The following GEMIN4 variants were observed in gnomAD, a reference collection of about 807,000 sequenced individuals.
GEMIN4 encodes the protein gem-associated protein 4.
GEMIN4 carries 59 observed loss-of-function variants against 76.8 expected under a neutral mutation model. That is an observed-to-expected ratio of 0.77 (90% confidence interval 0.62 to 0.95). The LOEUF (loss-of-function observed/expected upper bound fraction) is 0.95. GEMIN4 is among the 40% of genes least tolerant of loss of function. The pLI is 0.00. For missense variants in GEMIN4, 1,311 were observed against 1,318.9 expected, an observed-to-expected ratio of 0.99 and a Z score of 0.09; for synonymous variants, 562 against 559.7, an observed-to-expected ratio of 1.00 and a Z score of -0.06.
rs765563735 is a variant in GEMIN4 at position 746,776 on chromosome 17, A to AGC, written c.1265_1266dup (p.Tyr423AlafsTer17). On this transcript the variant is annotated frameshift_variant, in exon 2 of 2. Transcript: ENST00000319004. LOFTEE classifies it high-confidence loss of function. This position sits in a 1 kb window ranked among gnomAD's most constrained non-coding sequence, Gnocchi z 4.3. Reference sequence around the variant, plus strand: ...CACTTCTTCTCAGAGGCAAAAATGTAGCACACTTCCATATGGCGGTCCATC... The same window carrying AGC: ...CACTTCTTCTCAGAGGCAAAAATGTAGCGCACACTTCCATATGGCGGTCCATC... 1 of 1,613,828 alleles carries AGC rather than the reference A, an allele frequency of 6.2e-7. No individual in the cohort carries two copies. Among genetic ancestry groups the AGC allele is most frequent in the Non-Finnish European group, 8.5e-7 (1 of 1,179,846 alleles).
intron 1 of GEMIN4, chr17:751,762 G>GAC (rs1904708944): frequency 3.7e-6 from 1 of 273,536 alleles, no homozygotes; most frequent in African/African-American, 2.2e-5. Flanking sequence ...GGAGCGTTAA[G>GAC]ACACTTGCTC....
rs974696904 is a variant in GEMIN4, at chr17:747,789, G to A, written c.254C>T (p.Pro85Leu). 12 of 1,613,158 alleles carry A rather than the reference G, an allele frequency of 7.4e-6. No individual in the cohort carries two copies. The highest frequency in any genetic ancestry group is 1.7e-5 in the Admixed American group (1 of 59,856). ...CTGCCACCGTGTCTCTGTGTCGGAC[G>A]GGGTCACGGGGTGCGGCTGCAGAAC... ...AKVLQPHPVT[P>L]SDTETRWQED... Residue 85 changes from proline to leucine, a missense_variant, in exon 2 of 2, where the codon CCG becomes CTG. Physicochemically the swap from Pro to Leu is moderately conservative, Grantham distance 98. Transcript: ENST00000319004.
chr17:745,095 A>T lies in GEMIN4; in HGVS notation c.2948T>A (p.Phe983Tyr). The T allele has an allele frequency of 6.2e-7, 1 of 1,613,052 alleles. No homozygotes were observed. Among genetic ancestry groups the T allele is most frequent in the Non-Finnish European group, 8.5e-7 (1 of 1,179,558 alleles). The part of the protein sequence containing the change: ...QEALFVYTQV[F>Y]CHALHIMAML... ...GGCCATGATGTGCAGAGCATGGCAG[A>T]ACACCTGGGTGTAAACAAACAGGGC... The change falls in exon 2 of 2, where the codon TTC becomes TAC. Residue 983 changes from phenylalanine to tyrosine, a missense_variant. Phe to Tyr is a conservative substitution (Grantham distance 22, BLOSUM62 3). This residue lies in a region of GEMIN4 where 1,208 missense variants were observed against 1,166.9 expected (regional missense o/e 1.04). Coordinates refer to ENST00000319004, the MANE Select transcript of GEMIN4 (RefSeq NM_015721.3). This position sits in a 1 kb window ranked among gnomAD's most constrained non-coding sequence, Gnocchi z 4.6.
Position 747,362 on chromosome 17 carries a change from C to G in GEMIN4, c.681G>C (p.Gln227His). 6.2e-7 allele frequency: 1 copy of G among 1,613,804 alleles called. No individual in the cohort carries two copies. The highest frequency in any genetic ancestry group is 8.5e-7 in the Non-Finnish European group (1 of 1,179,898). The stretch of plus-strand genomic sequence containing the variant: ...TCCTCCCCGGGCCCAGGATCCGACT[C>G]TGGATCTGTGTCAGCCCGCGGAGCA... ...AMLLRGLTQIQSRILGPGRKC... is the reference protein window; with the variant it reads ...AMLLRGLTQIHSRILGPGRKC... Residue 227 changes from glutamine to histidine, a missense_variant, in exon 2 of 2, where the codon CAG (glutamine) becomes CAC (histidine). Around this residue, in one of 2 missense-constraint regions of GEMIN4, gnomAD observed 1,208 missense variants for 1,166.9 expected, o/e 1.04. Transcript: ENST00000319004.
In GEMIN4 at chr17:745,232, G is replaced by A. The variant is rs764783240; in HGVS notation, c.2811C>T (p.Asn937=). The A allele has an allele frequency of 1.9e-6, 3 of 1,610,070 alleles. No homozygotes were observed. Among genetic ancestry groups the A allele is most frequent in the Non-Finnish European group, 2.5e-6 (3 of 1,178,582 alleles). Residue 937 remains asparagine, a synonymous_variant, in exon 2 of 2, where the codon AAC becomes AAT. Coordinates refer to ENST00000319004, the MANE Select transcript of GEMIN4 (RefSeq NM_015721.3). The surrounding 1 kb of genome is among the most constrained non-coding windows in gnomAD (Gnocchi z 4.6). The part of the protein sequence containing the change: ...CRDWLPLEGW[N]HVVKLLCGSL... ...TGCCACAGAGGAGTTTGACCACGTGGTTCCAGCCTTCCAGAGGAAGCCAAT... is the reference window on the plus strand; with the variant it reads ...TGCCACAGAGGAGTTTGACCACGTGATTCCAGCCTTCCAGAGGAAGCCAAT...
At position 747,968 on chromosome 17, in the gene GEMIN4, C is replaced by A. The variant is rs1041983553; in HGVS notation, c.75G>T (p.Leu25=). The change falls in exon 2 of 2, where the codon CTG becomes CTT. Residue 25 remains leucine (L), a synonymous_variant. Coordinates refer to ENST00000319004, the MANE Select transcript of GEMIN4 (RefSeq NM_015721.3). ...LHGGFLLAEQ[L]FHPKALAELT... is the part of the protein sequence containing the mutation. The stretch of plus-strand genomic sequence containing the variant: ...ATTCTGCCAGTGCCTTAGGGTGGAA[C>A]AGCTGCTCGGCCAGCAAGAAGCCTC... 2 of 1,612,834 alleles carry A rather than the reference C, an allele frequency of 1.2e-6. No homozygotes were observed. The highest frequency in any genetic ancestry group is 2.7e-5 in the African/African-American group (2 of 74,928).
Position 748,715 on chromosome 17 carries a change from G to A in GEMIN4, c.11-683C>T, listed in dbSNP as rs537272665. On this transcript the variant is annotated intron_variant, in intron 1 of 1. Transcript: ENST00000319004. Reference sequence around the variant, plus strand: ...TAACAGGCACAGCAGCAATCACACGGCCACAGGATAATGGGCACAGAGCAA... The same window carrying A: ...TAACAGGCACAGCAGCAATCACACGACCACAGGATAATGGGCACAGAGCAA... 9 of 226,138 alleles carry A rather than the reference G, an allele frequency of 4.0e-5. No individual in the cohort carries two copies. The East Asian group carries it at 1.4e-3, about 36-fold the overall frequency. 14.0% of individuals were successfully genotyped at this position (226,138 alleles called of 1,614,324 possible). A position where few individuals can be genotyped will look rare whatever the true frequency, so the allele number is the denominator to read the frequency against.
Position 747,884 on chromosome 17 carries a change from G to A in GEMIN4, c.159C>T (p.Ile53=). ...GRPIVEALRE[I]SSAAAHSQPF... is the part of the protein sequence containing the mutation. ...GCTGGGAGTGTGCTGCAGCCGAGGA[G>A]ATCTCCCTTAAGGCCTCCACGATGG... The change falls in exon 2 of 2, where the codon ATC becomes ATT. Residue 53 remains isoleucine, a synonymous_variant. Coordinates refer to ENST00000319004, the MANE Select transcript of GEMIN4 (RefSeq NM_015721.3). 2 of 1,613,926 alleles carry A rather than the reference G, an allele frequency of 1.2e-6. No homozygotes were observed. Among genetic ancestry groups the A allele is most frequent in the Non-Finnish European group, 8.5e-7 (1 of 1,179,874 alleles).
At position 747,996 on chromosome 17, in the gene GEMIN4, T is replaced by C. The variant is rs1904366242; in HGVS notation, c.47A>G (p.His16Arg). 1 of 1,611,176 alleles carries C rather than the reference T, an allele frequency of 6.2e-7. No individual in the cohort carries two copies. The change falls in exon 2 of 2, where the codon CAT becomes CGT. Residue 16 changes from histidine (H) to arginine (R), a missense_variant. Physicochemically the swap from His to Arg is conservative, Grantham distance 29. This residue lies in a region of GEMIN4 where 103 missense variants were observed against 152.0 expected (regional missense o/e 0.68). Transcript: ENST00000319004. ...LNICEEMTILHGGFLLAEQLF... is the reference protein window; with the variant it reads ...LNICEEMTILRGGFLLAEQLF... Reference sequence around the variant, plus strand: ...CTGCTCGGCCAGCAAGAAGCCTCCATGCAGAATAGTCATTTCTTCACAGAT... The same window carrying C: ...CTGCTCGGCCAGCAAGAAGCCTCCACGCAGAATAGTCATTTCTTCACAGAT...
rs1052186267 is a variant in GEMIN4, at chr17:745,101, T to C, written c.2942A>G (p.Gln981Arg). ...GATGTGCAGAGCATGGCAGAACACC[T>C]GGGTGTAAACAAACAGGGCTTCCTG... ...LTQEALFVYT[Q>R]VFCHALHIMA... Residue 981 changes from glutamine (Q) to arginine (R), a missense_variant, in exon 2 of 2, where the codon CAG becomes CGG. Transcript: ENST00000319004. The surrounding 1 kb of genome is among the most constrained non-coding windows in gnomAD (Gnocchi z 4.6). 1 of 1,612,626 alleles carries C rather than the reference T, an allele frequency of 6.2e-7. No homozygotes were observed. The highest frequency in any genetic ancestry group is 1.7e-5 in the Admixed American group (1 of 59,824).
intron 1 of GEMIN4, 113 bp downstream of exon 1, chr17:752,019 GT>G: frequency 1.3e-6 from 1 of 757,108 alleles, no homozygotes; most frequent in Non-Finnish European, 1.8e-6. Context: ...CGCGGGGGAC[GT>G]TTCGGTCCGG....
In GEMIN4 at chr17:752,092, T is replaced by C. The variant is rs531621519; in HGVS notation, c.10+41A>G. On this transcript the variant is annotated intron_variant, in intron 1 of 1. Coordinates refer to ENST00000319004, the MANE Select transcript of GEMIN4 (RefSeq NM_015721.3). ...GGGGCAGCACCGCTCTGGTGGCGCA[T>C]TGCTGGACGCAGCCCGGGGCCGGGG... 1.2e-4 allele frequency: 145 copies of C among 1,214,896 alleles called. 3 individuals carry two copies. The South Asian group carries it at 4.9e-3, about 41-fold the overall frequency. The allele number at this position is 1,214,896 out of a possible 1,614,324, so 75.3% of individuals were successfully genotyped here.
In GEMIN4 at chr17:745,772, G is replaced by A. The variant is rs1462427513; in HGVS notation, c.2271C>T (p.Ser757=). The A allele has an allele frequency of 1.2e-6, 2 of 1,611,808 alleles. No individual in the cohort carries two copies. The highest frequency in any genetic ancestry group is 2.2e-5 in the South Asian group (2 of 90,698). ...FSPDVWIKSL[S]WLHRKLEQLD... ...GCTGTTCTAACTTGCGGTGGAGCCAGGACAGGGACTTGATCCAGACATCCG... is the reference window on the plus strand; with the variant it reads ...GCTGTTCTAACTTGCGGTGGAGCCAAGACAGGGACTTGATCCAGACATCCG... Residue 757 remains serine, a synonymous_variant, in exon 2 of 2, where the codon TCC becomes TCT. Coordinates refer to ENST00000319004, the MANE Select transcript of GEMIN4 (RefSeq NM_015721.3). The surrounding 1 kb of genome is among the most constrained non-coding windows in gnomAD (Gnocchi z 4.6).
At position 745,240 on chromosome 17, in the gene GEMIN4, C is replaced by T; in HGVS notation, c.2803G>A (p.Gly935Ser). ...HSCRDWLPLE[G>S]WNHVVKLLCG... ...AGGAGTTTGACCACGTGGTTCCAGCCTTCCAGAGGAAGCCAATCACGACAG... is the reference window on the plus strand; with the variant it reads ...AGGAGTTTGACCACGTGGTTCCAGCTTTCCAGAGGAAGCCAATCACGACAG... The change falls in exon 2 of 2, where the codon GGC (glycine) becomes AGC (serine). Residue 935 changes from glycine (G) to serine (S), a missense_variant. Around this residue, in one of 2 missense-constraint regions of GEMIN4, gnomAD observed 1,208 missense variants for 1,166.9 expected, o/e 1.04. Coordinates refer to ENST00000319004, the MANE Select transcript of GEMIN4 (RefSeq NM_015721.3). This position sits in a 1 kb window ranked among gnomAD's most constrained non-coding sequence, Gnocchi z 4.6. 2 of 1,610,562 alleles carry T rather than the reference C, an allele frequency of 1.2e-6. No homozygotes were observed. Among genetic ancestry groups the T allele is most frequent in the Non-Finnish European group, 1.7e-6 (2 of 1,178,832 alleles).
upstream of GEMIN4, chr17:752,352 C>T (rs988281315): frequency 3.5e-6 from 4 of 1,129,878 alleles, no homozygotes; most frequent in African/African-American, 1.6e-5. Context: ...GCGCCGCCTT[C>T]CGGCAGAGCC....
chr17:752,078 G>A (rs1020842837), intron 1 of GEMIN4, 55 bp downstream of exon 1: 21 of 1,170,372 alleles, frequency 1.8e-5, no homozygotes, highest in Middle Eastern at 3.0e-4. Context: ...GGGCAGCACC[G>A]CTCTGGTGGC....
chr17:747,041 C>G lies in GEMIN4; in HGVS notation c.1002G>C (p.Val334=). Residue 334 remains valine (V), a synonymous_variant, in exon 2 of 2, where the codon GTG becomes GTC. Transcript: ENST00000319004. ...AACTTGTCCCCTGGCTGCTGCGGAG[C>G]ACGGCCTGCAACTCCTCCCCCCACT... ...LREWGEELQA[V]LRSSQGTSYD... is the part of the protein sequence containing the mutation. 6.2e-7 allele frequency: 1 copy of G among 1,613,450 alleles called. No homozygotes were observed. Among genetic ancestry groups the G allele is most frequent in the South Asian group, 1.1e-5 (1 of 91,084 alleles).
rs745720375 is a variant in GEMIN4 at position 745,527 on chromosome 17, TCCA to T, written c.2513_2515del (p.Val838del). 6.2e-7 allele frequency: 1 copy of T among 1,611,702 alleles called. No individual in the cohort carries two copies. The highest frequency in any genetic ancestry group is 8.5e-7 in the Non-Finnish European group (1 of 1,179,650). Reference sequence around the variant, plus strand: ...TCTGACCTCCTCAGGATTGCCCACGTCCACCACCAAGAGAGACAGCATCCTCTC... The same window carrying T: ...TCTGACCTCCTCAGGATTGCCCACGTCCACCAAGAGAGACAGCATCCTCTC... On this transcript the variant is annotated inframe_deletion, in exon 2 of 2. Coordinates refer to ENST00000319004, the MANE Select transcript of GEMIN4 (RefSeq NM_015721.3). This position sits in a 1 kb window ranked among gnomAD's most constrained non-coding sequence, Gnocchi z 4.6.
Position 744,894 on chromosome 17 carries a change from G to T in GEMIN4, c.3149C>A (p.Thr1050Asn), listed in dbSNP as rs770999881. The change falls in exon 2 of 2, where the codon ACC becomes AAC. Residue 1050 changes from threonine to asparagine, a missense_variant. Coordinates refer to ENST00000319004, the MANE Select transcript of GEMIN4 (RefSeq NM_015721.3). Reference protein sequence around the residue: ...EGIGPEERRQTLLQKMSSF With the variant: ...EGIGPEERRQNLLQKMSSF ...GAAGCTGCTCATCTTCTGCAACAGGGTTTGGCGCCGTTCTTCAGGGCCGAT... is the reference window on the plus strand; with the variant it reads ...GAAGCTGCTCATCTTCTGCAACAGGTTTTGGCGCCGTTCTTCAGGGCCGAT... 2.3e-5 allele frequency: 37 copies of T among 1,612,740 alleles called. No homozygotes were observed. In the Admixed American group the frequency reaches 6.2e-4, roughly 27 times the overall value.
Sources: gnomAD v4.1 joint callset for allele counts on GRCh38, gnomAD v4.1.1 for gene constraint, gnomAD v4.1.1 regional missense constraint, Gnocchi (gnomAD v3.1) non-coding constraint, MANE v1.5 for transcripts, NCBI Gene and HGNC (gene_info 2026-07-23, HGNC 2026-07-21) for gene names.